The following HOXC4 variants were observed in gnomAD, a reference collection of about 807,000 sequenced individuals.
HOXC4 encodes homeobox C4, also known as homeobox protein Hox-C4.
In HOXC4, 15 loss-of-function variants were observed where a neutral mutation model predicts 25.5. The ratio of observed to expected loss-of-function variants is 0.59; its 90% CI spans 0.39 to 0.91. HOXC4 has a LOEUF of 0.91. Ranked by LOEUF, HOXC4 falls within the 40% of genes least tolerant of loss-of-function variation. HOXC4 has a pLI of 0.00. For synonymous variants in HOXC4, 165 were observed against 148.0 expected, an observed-to-expected ratio of 1.11 and a Z score of -0.83; for missense variants, 342 against 352.4, an observed-to-expected ratio of 0.97 and a Z score of 0.24.
chr12:54,026,941 C>A lies in HOXC4; in HGVS notation c.-124+9527C>A, dbSNP rs895460762. On this transcript the variant is annotated intron_variant, in intron 1 of 3. Transcript: ENST00000303406. ...GTTCTTGTTATAGCCAGCTTTCCCC[C>A]CCCCCAACCCACCCAAAAATGGTGG... 6.3e-5 allele frequency among the ~76,000 whole-genome samples: 9 copies of A among 142,450 alleles called. No homozygotes were observed. The South Asian group carries it at 6.6e-4, about 10-fold the overall frequency. The allele number at this position is 142,450 out of a possible 152,430, so 93.5% of individuals were successfully genotyped here. A position where few individuals can be genotyped will look rare whatever the true frequency, so the allele number is the denominator to read the frequency against.
At chr12:54,019,159 T>C (rs1040718326) in intron 1 of HOXC4, among the ~76,000 whole-genome samples, 2 of 146,136 alleles carry the variant, frequency 1.4e-5, no homozygotes, top group Non-Finnish European at 1.5e-5. Flanking sequence ...GAAATGGCAT[T>C]TTCTCTCCCC....
In HOXC4 at chr12:54,029,933, G is replaced by A. The variant is rs201035626; in HGVS notation, c.-124+12519G>A. ...GGGCGGAAAAGAGGAAAAGCGGGAA[G>A]AGACAGAAGAGGAGAAGCAGAAAGA... On this transcript the variant is annotated intron_variant, in intron 1 of 3. Coordinates refer to the HOXC4 transcript ENST00000303406. 1.3e-4 allele frequency: 204 copies of A among 1,596,360 alleles called. No individual in the cohort carries two copies. Among genetic ancestry groups the A allele is most frequent in the Middle Eastern group, 3.4e-4 (2 of 5,958 alleles).
intron 1 of HOXC4, among the ~76,000 whole-genome samples, chr12:54,044,851 AC>A (rs1329446140): frequency 1.3e-5 from 2 of 151,614 alleles, no homozygotes; most frequent in Non-Finnish European, 2.9e-5. Context: ...AGGATCCCCC[AC>A]CCCCTGGCTG....
At chr12:54,047,023 G>T (rs894583207) in intron 1 of HOXC4, among the ~76,000 whole-genome samples, 3 of 152,236 alleles carry the variant, frequency 2.0e-5, no homozygotes, top group African/African-American at 7.2e-5. Flanking sequence ...GGTCCCTCTC[G>T]CGCTGACTGG....
Position 54,055,116 on chromosome 12 carries a change from T to C in HOXC4, c.706T>C (p.Ser236Pro), listed in dbSNP as rs1937944406. 1.9e-6 allele frequency: 3 copies of C among 1,612,892 alleles called. No homozygotes were observed. Among genetic ancestry groups the C allele is most frequent in the Non-Finnish European group, 2.5e-6 (3 of 1,179,790 alleles). Residue 236 changes from serine to proline, a missense_variant, in exon 2 of 2, where the codon TCG (serine) becomes CCG (proline). By Grantham distance (74) the Ser-to-Pro change is moderately conservative. Transcript: ENST00000430889. ...GGCCGGCGCTGCGCCCAGCACCCTTTCGGCAGCTACCCCGGGTACTTCTGA... is the reference window on the plus strand; with the variant it reads ...GGCCGGCGCTGCGCCCAGCACCCTTCCGGCAGCTACCCCGGGTACTTCTGA... ...PPAGAAPSTL[S>P]AATPGTSEDH...
chr12:54,051,366 G>A (rs1565753364), upstream of HOXC4, among the ~76,000 whole-genome samples: 1 of 152,028 alleles, frequency 6.6e-6, no homozygotes, highest in South Asian at 2.1e-4. Context: ...ATTCAGCACT[G>A]GTTTCCCTTT....
chr12:54,052,106 A>T (rs538644892), upstream of HOXC4, among the ~76,000 whole-genome samples: 2 of 152,314 alleles, frequency 1.3e-5, no homozygotes, highest in Non-Finnish European at 1.5e-5. Context: ...AGGGCGGCGA[A>T]TTAAAGGTAG....
intron 1 of HOXC4, among the ~76,000 whole-genome samples, chr12:54,038,616 T>C (rs1278800118): frequency 6.6e-6 from 1 of 152,192 alleles, no homozygotes; most frequent in Non-Finnish European, 1.5e-5. Context: ...TGGGCAGCTG[T>C]CTCAGCCTCC....
chr12:54,030,243 C>T (rs954142535), intron 1 of HOXC4: 1 of 291,442 alleles, frequency 3.4e-6, no homozygotes, highest in Non-Finnish European at 6.4e-6. Context: ...GGGCTCGGAC[C>T]CTGAACTCAG....
intron 1 of HOXC4, among the ~76,000 whole-genome samples, chr12:54,027,403 A>G (rs1940769407): frequency 6.6e-6 from 1 of 152,202 alleles, no homozygotes. Context: ...AGCCTGCAGG[A>G]AGCTAACTGT....
intron 1 of HOXC4, chr12:54,038,011 C>T (rs762140141): frequency 1.3e-5 from 2 of 152,170 alleles, no homozygotes; most frequent in African/African-American, 4.8e-5. Flanking sequence ...CCCAGGCGAA[C>T]GCTGTGAGTT....
intron 1 of HOXC4, chr12:54,028,461 C>T: frequency 2.6e-6 from 4 of 1,546,922 alleles, no homozygotes; most frequent in Non-Finnish European, 3.5e-6. Context: ...GTTCCGAGTA[C>T]AAACTGGAGA....
rs796328359 is a variant in HOXC4 at position 54,041,977 on chromosome 12, CTTTTTTTTTTTT to C, written c.-123-11176_-123-11165del. Among the ~76,000 whole-genome samples, 448 of 116,700 alleles carry C rather than the reference CTTTTTTTTTTTT, an allele frequency of 3.8e-3. 5 individuals carry two copies. The highest frequency in any genetic ancestry group is 0.014 in the African/African-American group (435 of 31,130). The allele number at this position is 116,700 out of a possible 152,430, so 76.6% of individuals were successfully genotyped here. A position where few individuals can be genotyped will look rare whatever the true frequency, so the allele number is the denominator to read the frequency against. On this transcript the variant is annotated intron_variant, in intron 1 of 3. Transcript: ENST00000303406. ...CGCGCCCAGCCTTTTCTTTTCTTTT[CTTTTTTTTTTTT>C]TTTTTTGAGATGGAGTTTCACTCTT...
chr12:54,026,932 G>A (rs1248926132), intron 1 of HOXC4, among the ~76,000 whole-genome samples: 4 of 146,424 alleles, frequency 2.7e-5, no homozygotes, highest in African/African-American at 1.0e-4. Flanking sequence ...GTTATAGCCA[G>A]CTTTCCCCCC....
At chr12:54,040,068 T>C (rs1490685208) in intron 1 of HOXC4, among the ~76,000 whole-genome samples, 2 of 152,202 alleles carry the variant, frequency 1.3e-5, no homozygotes, top group Non-Finnish European at 2.9e-5. Flanking sequence ...TTTACTGTTT[T>C]CTAAAAAGTT....
At chr12:54,025,962 G>T (rs1322936310) in intron 1 of HOXC4, among the ~76,000 whole-genome samples, 7 of 151,868 alleles carry the variant, frequency 4.6e-5, no homozygotes, top group Non-Finnish European at 8.8e-5. Context: ...ACATAAAAGA[G>T]ATTTTTAAAT....
chr12:54,029,957 G>C, intron 1 of HOXC4: 1 of 1,568,626 alleles, frequency 6.4e-7, no homozygotes. Context: ...GAAGCAGAAA[G>C]AGTGACCAGG....
intron 1 of HOXC4, among the ~76,000 whole-genome samples, chr12:54,026,644 C>T (rs1940711368): frequency 6.6e-6 from 1 of 152,118 alleles, no homozygotes. Context: ...AAAACCAACA[C>T]AAATTGTCTG....
intron 1 of HOXC4, among the ~76,000 whole-genome samples, chr12:54,038,938 C>T (rs1941229214): frequency 6.6e-6 from 1 of 152,092 alleles, no homozygotes; most frequent in Non-Finnish European, 1.5e-5. Flanking sequence ...CTAGGGCGCC[C>T]TTCAGGTTTC....
Sources: gnomAD v4.1 joint callset for allele counts (sites outside exome capture counted in the v4.1 genomes callset) on GRCh38, gnomAD v4.1.1 for gene constraint, MANE v1.5 for transcripts, NCBI Gene and HGNC (gene_info 2026-07-23, HGNC 2026-07-21) for gene names.